Variants in PKD2L2 observed in about 807,000 individuals in gnomAD.
PKD2L2 encodes polycystin-2-like protein 2.
PKD2L2 carries 67 observed loss-of-function variants against 83.9 expected under a neutral mutation model. That is an observed-to-expected ratio of 0.80 (90% CI 0.66 to 0.98). PKD2L2 has a LOEUF of 0.98. PKD2L2 is among the 50% of genes least tolerant of loss of function. The pLI is 0.00. For synonymous variants in PKD2L2, 223 were observed against 237.8 expected, an observed-to-expected ratio of 0.94 and a Z score of 0.57; for missense variants, 632 against 717.2, an observed-to-expected ratio of 0.88 and a Z score of 1.36.
intron 2 of PKD2L2, among the ~76,000 whole-genome samples, chr5:137,891,190 G>T (rs1292127011): frequency 6.6e-6 from 1 of 152,214 alleles, no homozygotes. Context: ...GTAGATGAAA[G>T]CTCACTGGCA....
chr5:137,899,360 G>T (rs567260068), intron 4 of PKD2L2, among the ~76,000 whole-genome samples, 156 bp from the exon 5 acceptor site: 1 of 152,118 alleles, frequency 6.6e-6, no homozygotes, highest in East Asian at 1.9e-4. Flanking sequence ...CAAGGGATCC[G>T]CCTACCTCGG....
intron 14 of PKD2L2, chr5:137,938,724 A>G (rs1371080429): frequency 6.6e-6 from 1 of 152,090 alleles, no homozygotes; most frequent in Non-Finnish European, 1.5e-5. Flanking sequence ...TTATCAAACT[A>G]CTTCATGTGC....
At chr5:137,911,056 C>T (rs1757792629) in intron 8 of PKD2L2, among the ~76,000 whole-genome samples, 2 of 152,166 alleles carry the variant, frequency 1.3e-5, no homozygotes, top group South Asian at 4.1e-4. Context: ...ACCATCACCA[C>T]CATCTATCTC....
At position 137,890,466 on chromosome 5, in the gene PKD2L2, T is replaced by C; in HGVS notation, c.32-15T>C. ...CATAATAATGTAAAGAAAAATTTTG[T>C]CTTATATCTCACAGGGGCTTCGAAA... is the stretch of plus-strand genomic sequence containing the variant. On this transcript the variant is annotated splice_polypyrimidine_tract_variant and intron_variant, in intron 1 of 14. Coordinates refer to ENST00000508883, the MANE Select transcript of PKD2L2 (RefSeq NM_001300921.2). 6.9e-7 allele frequency: 1 copy of C among 1,441,210 alleles called. No individual in the cohort carries two copies. Among genetic ancestry groups the C allele is most frequent in the Admixed American group, 2.0e-5 (1 of 48,816 alleles). 89.3% of individuals were successfully genotyped at this position (1,441,210 alleles called of 1,614,324 possible). A position where few individuals can be genotyped will look rare whatever the true frequency, so the allele number is the denominator to read the frequency against.
chr5:137,901,732 G>T (rs1030775841), intron 5 of PKD2L2, among the ~76,000 whole-genome samples: 1 of 152,046 alleles, frequency 6.6e-6, no homozygotes, highest in Non-Finnish European at 1.5e-5. Context: ...CTAGATCAGG[G>T]GATCATGAGG....
At chr5:137,913,216 C>T (rs370935799) in intron 8 of PKD2L2, among the ~76,000 whole-genome samples, 7 of 137,430 alleles carry the variant, frequency 5.1e-5, no homozygotes, top group African/African-American at 1.9e-4. Flanking sequence ...GACAGTCTCA[C>T]TCTGTTGCCC....
At chr5:137,893,719 G>A (rs1756198125) in intron 3 of PKD2L2, among the ~76,000 whole-genome samples, 1 of 152,170 alleles carries the variant, frequency 6.6e-6, no homozygotes. Context: ...ACTTATCAAG[G>A]AGACACGGTC....
chr5:137,931,230 A>G (rs1416642777), intron 12 of PKD2L2, among the ~76,000 whole-genome samples: 1 of 152,202 alleles, frequency 6.6e-6, no homozygotes, highest in East Asian at 1.9e-4. Flanking sequence ...TCCAAAATCA[A>G]TCAGACGGTC....
intron 14 of PKD2L2, chr5:137,940,197 T>C: frequency 2.5e-6 from 4 of 1,613,948 alleles, no homozygotes; most frequent in Non-Finnish European, 3.4e-6. Flanking sequence ...CAACTGACTT[T>C]ATGATATGAA....
intron 12 of PKD2L2, among the ~76,000 whole-genome samples, chr5:137,932,080 G>T (rs948111252): frequency 2.0e-5 from 3 of 151,960 alleles, no homozygotes; most frequent in Non-Finnish European, 2.9e-5. Flanking sequence ...CAAAAATACC[G>T]GGCATGGTGG....
At chr5:137,929,835 T>G (rs1038943999) in intron 12 of PKD2L2, among the ~76,000 whole-genome samples, 2 of 151,956 alleles carry the variant, frequency 1.3e-5, no homozygotes, top group African/African-American at 4.8e-5. Context: ...TTAAAGAGAT[T>G]CCAAAATGTT....
At chr5:137,920,199 G>A (rs1407711608) in intron 8 of PKD2L2, among the ~76,000 whole-genome samples, 1 of 151,820 alleles carries the variant, frequency 6.6e-6, no homozygotes, top group Non-Finnish European at 1.5e-5. Context: ...GTGAAACACC[G>A]TCTCAAAAAA....
intron 8 of PKD2L2, among the ~76,000 whole-genome samples, chr5:137,913,491 ATTT>A (rs35300343): frequency 7.6e-6 from 1 of 132,438 alleles, no homozygotes; most frequent in Non-Finnish European, 1.6e-5. Flanking sequence ...GCCATGGCTA[ATTT>A]TTTTTTTTTT....
intron 8 of PKD2L2, among the ~76,000 whole-genome samples, chr5:137,910,860 G>A (rs548977025): frequency 4.7e-4 from 71 of 151,920 alleles, no homozygotes; most frequent in African/African-American, 1.7e-3. Context: ...GTAATAACTG[G>A]GCCAAAGTCA....
At chr5:137,930,642 G>T (rs1045194878) in intron 12 of PKD2L2, among the ~76,000 whole-genome samples, 8 of 149,814 alleles carry the variant, frequency 5.3e-5, no homozygotes, top group African/African-American at 2.0e-4. Flanking sequence ...ATCCAGCCTG[G>T]GTGACAAAGT....
rs769090886 is a variant in PKD2L2, at chr5:137,921,767, T to A, written c.1449+11T>A. ...TTCTTTGTCCTGCTGGTAAGAATAA[T>A]ACATATTCCTTTCATTTCTTACTTT... On this transcript the variant is annotated intron_variant, in intron 9 of 14. Transcript: ENST00000508883. 1 of 1,558,794 alleles carries A rather than the reference T, an allele frequency of 6.4e-7. No homozygotes were observed. The highest frequency in any genetic ancestry group is 8.7e-7 in the Non-Finnish European group (1 of 1,146,182).
chr5:137,890,289 A>T (rs988280021), intron 1 of PKD2L2, 192 bp from the exon 2 acceptor site: 16 of 454,962 alleles, frequency 3.5e-5, no homozygotes, highest in Non-Finnish European at 5.5e-5. Flanking sequence ...CTCAAAAAAA[A>T]AATCTGTTAT....
At chr5:137,933,959 T>C (rs770777780) in intron 12 of PKD2L2, among the ~76,000 whole-genome samples, 3 of 152,210 alleles carry the variant, frequency 2.0e-5, no homozygotes, top group Non-Finnish European at 4.4e-5. Context: ...GGTGGAAGCA[T>C]GCAATCTATG....
At chr5:137,916,475 C>CTTTTTTTTTTT (rs1169529107) in intron 8 of PKD2L2, among the ~76,000 whole-genome samples, 19 of 93,196 alleles carry the variant, frequency 2.0e-4, no homozygotes, top group East Asian at 3.5e-4. Context: ...CACTTTTCTT[C>CTTTTTTTTTTT]TTTTTTTTTT....
Sources: gnomAD v4.1 joint callset for allele counts (sites outside exome capture counted in the v4.1 genomes callset) on GRCh38, gnomAD v4.1.1 for gene constraint, MANE v1.5 for transcripts, NCBI Gene and HGNC (gene_info 2026-07-23, HGNC 2026-07-21) for gene names.